Variants in PATJ observed in about 807,000 individuals in gnomAD.
The protein encoded by PATJ is PATJ crumbs cell polarity complex component, also known as inaD-like protein.
In PATJ, 190 loss-of-function variants were observed where a neutral mutation model predicts 224.9. The observed-to-expected ratio is 0.84, with a 90% CI of 0.75 to 0.95. PATJ has a LOEUF of 0.95. Among genes scored for constraint, PATJ ranks in the 40% least tolerant of loss-of-function variants. The pLI is 0.00. For synonymous variants in PATJ, 769 were observed against 820.3 expected, an observed-to-expected ratio of 0.94 and a Z score of 1.07; for missense variants, 2,121 against 2,270.3, an observed-to-expected ratio of 0.93 and a Z score of 1.34.
intron 25 of PATJ, among the ~76,000 whole-genome samples, chr1:61,910,977 G>A (rs1672551491): frequency 1.3e-5 from 2 of 152,022 alleles, no homozygotes; most frequent in Admixed American, 6.6e-5. Context: ...AGAAAATATA[G>A]GCAATGCTTA....
chr1:61,864,672 G>T (rs1296305512), intron 20 of PATJ, 39 bp downstream of exon 20: 2 of 1,534,440 alleles, frequency 1.3e-6, no homozygotes, highest in African/African-American at 1.4e-5. Context: ...CTCCCCTTCT[G>T]CTCTCCTCGC....
chr1:62,118,652 C>T (rs998789834), intron 37 of PATJ, among the ~76,000 whole-genome samples: 2 of 150,790 alleles, frequency 1.3e-5, no homozygotes, highest in African/African-American at 2.5e-5. Flanking sequence ...ATTTTTGAGA[C>T]GGAGTCCCAC....
chr1:61,742,878 C>G (rs1380017413), intron 1 of PATJ, among the ~76,000 whole-genome samples: 4 of 151,678 alleles, frequency 2.6e-5, no homozygotes, highest in Non-Finnish European at 4.4e-5. Context: ...TCGCCGAGGC[C>G]GCGGGCAGGG....
chr1:61,978,219 T>G (rs936216783), intron 27 of PATJ, among the ~76,000 whole-genome samples: 1 of 130,956 alleles, frequency 7.6e-6, no homozygotes, highest in Admixed American at 7.5e-5. Context: ...CTTCCTTCCT[T>G]CCTTCCTCCC....
chr1:61,862,960 A>G (rs1373609117), intron 19 of PATJ, among the ~76,000 whole-genome samples: 1 of 149,956 alleles, frequency 6.7e-6, no homozygotes, highest in Non-Finnish European at 1.5e-5. Context: ...TCATAACCAT[A>G]TGATGTGTTC....
rs760049600 is a variant in PATJ, at chr1:62,121,178, C to A, written c.4891-3C>A. ...ACAGGTGACCCCTGGGTCTTTCTTTCAGGGTAGTCAGCAGAGTGCACACAG... is the reference window on the plus strand; with the variant it reads ...ACAGGTGACCCCTGGGTCTTTCTTTAAGGGTAGTCAGCAGAGTGCACACAG... On this transcript the variant is annotated splice_polypyrimidine_tract_variant and splice_region_variant and intron_variant, in intron 37 of 43. Coordinates refer to ENST00000642238, the MANE Select transcript of PATJ (RefSeq NM_001350145.3). 20 of 1,605,812 alleles carry A rather than the reference C, an allele frequency of 1.2e-5. No individual in the cohort carries two copies. Among genetic ancestry groups the A allele is most frequent in the Admixed American group, 3.4e-5 (2 of 59,148 alleles).
Position 62,161,939 on chromosome 1 carries a change from T to C in PATJ, c.*885T>C, listed in dbSNP as rs557559304. On this transcript the variant is annotated 3_prime_UTR_variant, in exon 44 of 44. Coordinates refer to ENST00000642238, the MANE Select transcript of PATJ (RefSeq NM_001350145.3). The stretch of plus-strand genomic sequence containing the variant: ...GGAAATTACTGTGCTGTCTTCTGTA[T>C]GACTTATGGTCAAATAAGTCTCAAA... The C allele has an allele frequency of 1.6e-4, 24 of 152,370 alleles. No homozygotes were observed. In the East Asian group the frequency reaches 4.4e-3, roughly 28 times the overall value. The allele number at this position is 152,370 out of a possible 1,614,324, so 9.4% of individuals were successfully genotyped here. A position where few individuals can be genotyped will look rare whatever the true frequency, so the allele number is the denominator to read the frequency against.
intron 5 of PATJ, 113 bp from the exon 6 acceptor site, chr1:61,771,318 A>G (rs376543718): frequency 5.6e-6 from 3 of 537,534 alleles, no homozygotes; most frequent in South Asian, 3.7e-5. Flanking sequence ...AATTTATTTG[A>G]TAAATGTACT....
chr1:61,748,309 C>G (rs1440271653), intron 1 of PATJ, among the ~76,000 whole-genome samples: 4 of 115,640 alleles, frequency 3.5e-5, no homozygotes, highest in Non-Finnish European at 6.4e-5. Flanking sequence ...TGCTGGAGTG[C>G]AGTGGCTTGA....
intron 24 of PATJ, among the ~76,000 whole-genome samples, chr1:61,905,303 T>G (rs1459090982): frequency 6.6e-6 from 1 of 152,206 alleles, no homozygotes; most frequent in African/African-American, 2.4e-5. Flanking sequence ...GTCTCTTTTA[T>G]AAGGCCACTA....
intron 17 of PATJ, among the ~76,000 whole-genome samples, chr1:61,835,987 G>A (rs1660117190): frequency 6.6e-6 from 1 of 152,058 alleles, no homozygotes; most frequent in Non-Finnish European, 1.5e-5. Flanking sequence ...TTGCTCTGAT[G>A]CTCTTAACTG....
chr1:62,116,890 G>A (rs967378475), intron 36 of PATJ, among the ~76,000 whole-genome samples: 1 of 152,068 alleles, frequency 6.6e-6, no homozygotes, highest in African/African-American at 2.4e-5. Context: ...ACCTGCTTTG[G>A]GATTTCACAA....
intron 37 of PATJ, among the ~76,000 whole-genome samples, chr1:62,118,129 G>A (rs1024258521): frequency 2.6e-5 from 4 of 151,870 alleles, no homozygotes; most frequent in African/African-American, 9.7e-5. Flanking sequence ...CAGACTAGCT[G>A]GCTTGTCTTA....
At chr1:62,027,899 T>C (rs1411384785) in intron 29 of PATJ, among the ~76,000 whole-genome samples, 2 of 152,144 alleles carry the variant, frequency 1.3e-5, no homozygotes, top group Non-Finnish European at 2.9e-5. Flanking sequence ...TTGTCAGATA[T>C]GTGATTTGCA....
chr1:61,971,631 G>GA (rs1682991452), intron 27 of PATJ, among the ~76,000 whole-genome samples: 1 of 151,636 alleles, frequency 6.6e-6, no homozygotes, highest in South Asian at 2.1e-4. Context: ...AAAGAAAAAA[G>GA]AAAAAACAGC....
At position 62,162,910 on chromosome 1, in the gene PATJ, C is replaced by G. The variant is rs1178016157; in HGVS notation, c.*1856C>G. 2.2e-5 allele frequency: 8 copies of G among 368,086 alleles called. No individual in the cohort carries two copies. Among genetic ancestry groups the G allele is most frequent in the Non-Finnish European group, 4.2e-5 (8 of 189,426 alleles). 22.8% of individuals were successfully genotyped at this position (368,086 alleles called of 1,614,324 possible). The stretch of plus-strand genomic sequence containing the variant: ...TGCAGTGAGCCAAGTTCGTGCCACT[C>G]CACTCCAGCCTGGGTGACAGAGCAA... On this transcript the variant is annotated 3_prime_UTR_variant, in exon 44 of 44. Coordinates refer to ENST00000642238, the MANE Select transcript of PATJ (RefSeq NM_001350145.3).
chr1:61,980,705 G>A (rs1394400079), intron 27 of PATJ, among the ~76,000 whole-genome samples: 2 of 151,902 alleles, frequency 1.3e-5, no homozygotes, highest in Non-Finnish European at 2.9e-5. Flanking sequence ...CTGTGGCAAC[G>A]ACTCCCAGCA....
intron 17 of PATJ, 84 bp from the exon 18 acceptor site, chr1:61,855,946 T>G: frequency 1.1e-6 from 1 of 919,816 alleles, no homozygotes; most frequent in Non-Finnish European, 1.8e-6. Context: ...TCAAATAAGA[T>G]TCATCAGTCA....
At chr1:61,942,173 T>C (rs1571408826) in intron 27 of PATJ, among the ~76,000 whole-genome samples, 1 of 152,322 alleles carries the variant, frequency 6.6e-6, no homozygotes, top group African/African-American at 2.4e-5. Flanking sequence ...CAGAAGAATG[T>C]ACAGAACTAC....
Sources: allele counts gnomAD v4.1 joint callset (sites outside exome capture counted in the v4.1 genomes callset), GRCh38; gene constraint gnomAD v4.1.1; transcripts MANE v1.5; gene names NCBI Gene and HGNC (gene_info 2026-07-23, HGNC 2026-07-21).